RUSC2: variants seen among roughly 807,000 people sequenced by gnomAD.
RUSC2 encodes the protein AP-4 complex accessory subunit RUSC2.
RUSC2 carries 34 observed loss-of-function variants against 122.2 expected under a neutral mutation model. The ratio of observed to expected loss-of-function variants is 0.28; its 90% confidence interval spans 0.21 to 0.37. The LOEUF (loss-of-function observed/expected upper bound fraction) is 0.37. Ranked by LOEUF, RUSC2 falls within the 10% of genes least tolerant of loss-of-function variation. RUSC2 has a pLI of 1.00. For missense variants in RUSC2, 1,747 were observed against 1,952.4 expected (o/e 0.89, Z 1.98); for synonymous variants, 784 against 790.0 (o/e 0.99, Z 0.13).
intron 1 of RUSC2, among the ~76,000 whole-genome samples, chr9:35,506,150 A>G (rs1820912249): frequency 6.6e-6 from 1 of 152,228 alleles, no homozygotes; most frequent in Non-Finnish European, 1.5e-5. Flanking sequence ...GGGATACAAA[A>G]TCAATGGGGA....
At chr9:35,490,266 A>G (rs185248683) in intron 1 of RUSC2, 94 bp downstream of exon 1, 3 of 153,106 alleles carry the variant, frequency 2.0e-5, no homozygotes, top group Admixed American at 1.3e-4. Context: ...CTTCCCACCT[A>G]TGTGCCTTCA....
At position 35,556,375 on chromosome 9, in the gene RUSC2, G is replaced by A; in HGVS notation, c.2910G>A (p.Lys970=). 2 of 1,614,194 alleles carry A rather than the reference G, an allele frequency of 1.2e-6. No homozygotes were observed. ...DFQDPFSLTE[K]PPAEFCLSPD... ...AGGACCCCTTTTCCTTGACGGAGAAGCCTCCAGCTGAGTTTTGTCTGTCCC... is the reference window on the plus strand; with the variant it reads ...AGGACCCCTTTTCCTTGACGGAGAAACCTCCAGCTGAGTTTTGTCTGTCCC... The change falls in exon 5 of 12, where the codon AAG becomes AAA. Residue 970 remains lysine (K), a synonymous_variant. Coordinates refer to ENST00000361226, the MANE Select transcript of RUSC2 (RefSeq NM_014806.5).
intron 1 of RUSC2, among the ~76,000 whole-genome samples, chr9:35,524,828 G>A (rs919565488): frequency 3.9e-5 from 6 of 152,016 alleles, no homozygotes; most frequent in East Asian, 1.9e-4. Flanking sequence ...AAAATTAGCC[G>A]GGCGTGGTGG....
intron 1 of RUSC2, among the ~76,000 whole-genome samples, chr9:35,505,222 G>A (rs1820891199): frequency 6.6e-6 from 1 of 152,150 alleles, no homozygotes; most frequent in Admixed American, 6.5e-5. Flanking sequence ...TATCTATATG[G>A]TTAAGTCTTT....
intron 1 of RUSC2, among the ~76,000 whole-genome samples, chr9:35,538,336 G>A (rs1356742976): frequency 2.6e-5 from 4 of 152,116 alleles, no homozygotes; most frequent in Admixed American, 6.5e-5. Flanking sequence ...CTACCGCCCC[G>A]TCTCTCTAGG....
intron 1 of RUSC2, among the ~76,000 whole-genome samples, chr9:35,493,450 A>G (rs1337011755): frequency 6.6e-6 from 1 of 152,120 alleles, no homozygotes; most frequent in Non-Finnish European, 1.5e-5. Flanking sequence ...GGTTAGCATA[A>G]TGTCTAAAGT....
At chr9:35,543,738 G>A (rs1314729797) in intron 1 of RUSC2, among the ~76,000 whole-genome samples, 1 of 152,090 alleles carries the variant, frequency 6.6e-6, no homozygotes, top group Admixed American at 6.5e-5. Context: ...CAAAGTGCTG[G>A]GATTACAGGC....
At chr9:35,491,273 G>C (rs1820563054) in intron 1 of RUSC2, among the ~76,000 whole-genome samples, 1 of 152,122 alleles carries the variant, frequency 6.6e-6, no homozygotes, top group Non-Finnish European at 1.5e-5. Context: ...GAGTTGATAA[G>C]GTAGAAAGTA....
chr9:35,503,396 A>C (rs1422503073), intron 1 of RUSC2, among the ~76,000 whole-genome samples: 2 of 152,176 alleles, frequency 1.3e-5, no homozygotes, highest in Non-Finnish European at 2.9e-5. Context: ...CACTTAGAAT[A>C]GTGGCCTCCA....
intron 9 of RUSC2, among the ~76,000 whole-genome samples, chr9:35,559,683 C>T (rs1229000417): frequency 1.1e-4 from 16 of 152,098 alleles, no homozygotes; most frequent in East Asian, 5.8e-4. Flanking sequence ...TGCAGTGAGC[C>T]GAGATCATGC....
intron 1 of RUSC2, among the ~76,000 whole-genome samples, chr9:35,540,791 G>T (rs1258987871): frequency 1.3e-5 from 2 of 152,224 alleles, no homozygotes; most frequent in Non-Finnish European, 2.9e-5. Flanking sequence ...TTTAGGAAGA[G>T]GGTGTGGCCC....
chr9:35,528,474 T>C (rs1000902194), intron 1 of RUSC2, among the ~76,000 whole-genome samples: 1 of 151,732 alleles, frequency 6.6e-6, no homozygotes, highest in East Asian at 1.9e-4. Flanking sequence ...ATTACCATAA[T>C]GTGGGAAGCA....
intron 1 of RUSC2, among the ~76,000 whole-genome samples, chr9:35,510,328 A>G (rs1820990109): frequency 6.6e-6 from 1 of 152,252 alleles, no homozygotes. Flanking sequence ...CTTTGCCAAC[A>G]TAGTGAGACC....
Position 35,557,274 on chromosome 9 carries a change from GA to G in RUSC2, c.2984-639del, listed in dbSNP as rs1222667694. On this transcript the variant is annotated intron_variant, in intron 5 of 11. Transcript: ENST00000361226. This position sits in a 1 kb window ranked among gnomAD's most constrained non-coding sequence, Gnocchi z 4.6. Reference sequence around the variant, plus strand: ...TTGCAAAGGCAGAAGGGGAGAATCAGAGCTCAGGGAGAAAGAACCCGGGCAA... The same window carrying G: ...TTGCAAAGGCAGAAGGGGAGAATCAGGCTCAGGGAGAAAGAACCCGGGCAA... 2.0e-5 allele frequency among the ~76,000 whole-genome samples: 3 copies of G among 152,182 alleles called. No individual in the cohort carries two copies. The highest frequency in any genetic ancestry group is 4.4e-5 in the Non-Finnish European group (3 of 68,038).
intron 2 of RUSC2, among the ~76,000 whole-genome samples, chr9:35,553,754 A>G (rs1821948619): frequency 1.3e-5 from 2 of 152,174 alleles, no homozygotes; most frequent in South Asian, 4.1e-4. Context: ...GTAAGCAGTG[A>G]CTGGGTATAG....
intron 1 of RUSC2, among the ~76,000 whole-genome samples, chr9:35,540,907 C>T (rs1176906111): frequency 6.6e-6 from 1 of 152,168 alleles, no homozygotes; most frequent in South Asian, 2.1e-4. Flanking sequence ...ACTACTTACA[C>T]ACTCTAAGCT....
chr9:35,513,244 G>A (rs769501514), intron 1 of RUSC2, among the ~76,000 whole-genome samples: 23 of 151,300 alleles, frequency 1.5e-4, no homozygotes, highest in Middle Eastern at 6.4e-3. Flanking sequence ...TTGAGACAGA[G>A]TCTCACTTGT....
intron 2 of RUSC2, among the ~76,000 whole-genome samples, chr9:35,549,943 G>C (rs1338460260): frequency 6.6e-6 from 1 of 152,112 alleles, no homozygotes; most frequent in Non-Finnish European, 1.5e-5. Context: ...TGGGCACAGT[G>C]GCTTACACCT....
intron 1 of RUSC2, among the ~76,000 whole-genome samples, chr9:35,495,805 C>G (rs187930870): frequency 2.0e-4 from 30 of 152,206 alleles, no homozygotes; most frequent in African/African-American, 6.3e-4. Flanking sequence ...TTCATGATCA[C>G]CAGATGTTTT....
Sources: gnomAD v4.1 joint callset for allele counts (sites outside exome capture counted in the v4.1 genomes callset) on GRCh38, gnomAD v4.1.1 for gene constraint, Gnocchi (gnomAD v3.1) non-coding constraint, MANE v1.5 for transcripts, NCBI Gene and HGNC (gene_info 2026-07-23, HGNC 2026-07-21) for gene names.